Variants in MARCHF1 observed in about 807,000 individuals in gnomAD.
The protein encoded by MARCHF1 is E3 ubiquitin-protein ligase MARCHF1.
MARCHF1 carries 40 observed loss-of-function variants against 54.2 expected under a neutral mutation model. The observed-to-expected ratio is 0.74, with a 90% CI of 0.57 to 0.96. The LOEUF is 0.96. Among genes scored for constraint, MARCHF1 ranks in the 40% least tolerant of loss-of-function variants. The pLI, the probability that MARCHF1 is intolerant of heterozygous loss-of-function variation, is 0.00. For synonymous variants in MARCHF1, 236 were observed against 236.3 expected (o/e 1.00, Z 0.01); for missense variants, 586 against 656.5 (o/e 0.89, Z 1.17).
chr4:163,862,871 T>C (rs12513151), intron 3 of MARCHF1, among the ~76,000 whole-genome samples: 107,005 of 151,852 alleles, frequency 0.7, 39,251 homozygotes, highest in Middle Eastern at 0.83. Flanking sequence ...TACATCATAT[T>C]ATTCAGTAAT....
rs1450481839 is a variant in MARCHF1, at chr4:163,858,709, G to A, written c.-38-4540C>T. Among the ~76,000 whole-genome samples the A allele has an allele frequency of 2.6e-5, 4 of 152,148 alleles. No individual in the cohort carries two copies. In the South Asian group the frequency reaches 6.2e-4, roughly 24 times the overall value. On this transcript the variant is annotated intron_variant, in intron 3 of 9. Coordinates refer to ENST00000514618, the MANE Select transcript of MARCHF1 (RefSeq NM_001394959.1). Reference sequence around the variant, plus strand: ...GTGTGAGCCTGTGTGTGTTCTAAGAGTTACTCACTATATATTGAGAAAACT... The same window carrying A: ...GTGTGAGCCTGTGTGTGTTCTAAGAATTACTCACTATATATTGAGAAAACT...
chr4:163,576,092 G>C (rs1282772117), intron 8 of MARCHF1, among the ~76,000 whole-genome samples: 1 of 151,750 alleles, frequency 6.6e-6, no homozygotes, highest in Admixed American at 6.6e-5. Flanking sequence ...TTTAAGGTTA[G>C]TTTGTTCTTG....
rs190615051 is a variant in MARCHF1 at position 163,965,857 on chromosome 4, A to T, written c.-39+22644T>A. On this transcript the variant is annotated intron_variant, in intron 3 of 9. Coordinates refer to ENST00000514618, the MANE Select transcript of MARCHF1 (RefSeq NM_001394959.1). ...ACAGATCGTGATAGGTTCAATCAGT[A>T]TGTCCTATACTTGATACCTAAGAAT... 1.5e-4 allele frequency among the ~76,000 whole-genome samples: 23 copies of T among 152,238 alleles called. 1 individual carries two copies. In the East Asian group the frequency reaches 3.5e-3, roughly 23 times the overall value.
intron 1 of MARCHF1, among the ~76,000 whole-genome samples, chr4:164,143,688 G>T (rs530494294): frequency 2.0e-5 from 3 of 152,252 alleles, no homozygotes; most frequent in African/African-American, 7.2e-5. Context: ...AACATGGAAA[G>T]GAACAACCGA....
In MARCHF1 at chr4:163,891,577, A is replaced by C. The variant is rs554487193; in HGVS notation, c.-38-37408T>G. The stretch of plus-strand genomic sequence containing the variant: ...AACCACCAAAAAAAGCTAAAAAAAA[A>C]CCTGTCACCATTGCACATAGAAAAA... On this transcript the variant is annotated intron_variant, in intron 3 of 9. Coordinates refer to ENST00000514618, the MANE Select transcript of MARCHF1 (RefSeq NM_001394959.1). Among the ~76,000 whole-genome samples the C allele has an allele frequency of 2.4e-3, 371 of 152,198 alleles. 1 individual carries two copies. Among genetic ancestry groups the C allele is most frequent in the African/African-American group, 8.4e-3 (350 of 41,520 alleles).
chr4:163,632,188 T>C (rs1742111837), intron 5 of MARCHF1, among the ~76,000 whole-genome samples: 1 of 152,170 alleles, frequency 6.6e-6, no homozygotes, highest in Non-Finnish European at 1.5e-5. Flanking sequence ...TACTCTATGA[T>C]ATGGTTTGAA....
intron 4 of MARCHF1, among the ~76,000 whole-genome samples, chr4:163,769,981 A>G (rs1261729668): frequency 6.6e-6 from 1 of 152,180 alleles, no homozygotes; most frequent in Non-Finnish European, 1.5e-5. Flanking sequence ...CATCATGAAG[A>G]CAATGAGAAT....
intron 5 of MARCHF1, among the ~76,000 whole-genome samples, chr4:163,639,408 CGAGA>C (rs900925199): frequency 3.9e-5 from 6 of 151,980 alleles, no homozygotes; most frequent in Non-Finnish European, 8.8e-5. Flanking sequence ...GGTGATTCTT[CGAGA>C]GAAACAGTGG....
At chr4:164,340,926 A>T (rs908611744) in intron 1 of MARCHF1, among the ~76,000 whole-genome samples, 27 of 151,970 alleles carry the variant, frequency 1.8e-4, no homozygotes, top group African/African-American at 5.8e-4. Context: ...CAAAAAAAAA[A>T]AAAAAAAAGT....
At chr4:164,294,848 C>T (rs527509235) in intron 1 of MARCHF1, among the ~76,000 whole-genome samples, 5 of 152,094 alleles carry the variant, frequency 3.3e-5, no homozygotes, top group African/African-American at 4.8e-5. Flanking sequence ...ATAGGTGTCA[C>T]TTCTTAAATA....
chr4:163,861,740 G>C (rs142168600), intron 3 of MARCHF1, among the ~76,000 whole-genome samples: 1 of 151,946 alleles, frequency 6.6e-6, no homozygotes, highest in African/African-American at 2.4e-5. Context: ...TAAAGTTTAC[G>C]TAGAAAGGCA....
At chr4:163,935,702 CTTTTT>C (rs34331599) in intron 3 of MARCHF1, among the ~76,000 whole-genome samples, 1,362 of 125,732 alleles carry the variant, frequency 0.011, 2 homozygotes, top group Non-Finnish European at 0.015. Flanking sequence ...TGCTTGCTTT[CTTTTT>C]TTTTTTTTTT....
chr4:164,016,633 A>G (rs1207849297), intron 2 of MARCHF1, among the ~76,000 whole-genome samples: 1 of 152,160 alleles, frequency 6.6e-6, no homozygotes, highest in African/African-American at 2.4e-5. Flanking sequence ...TAAGGAGTAC[A>G]ATGATGGTAA....
At chr4:163,556,939 T>A (rs1001625038) in intron 8 of MARCHF1, among the ~76,000 whole-genome samples, 17 of 152,240 alleles carry the variant, frequency 1.1e-4, no homozygotes, top group African/African-American at 3.6e-4. Flanking sequence ...TTTCTTAAAT[T>A]GTATACAAAA....
intron 3 of MARCHF1, among the ~76,000 whole-genome samples, chr4:163,923,717 A>C (rs1336177963): frequency 4.0e-5 from 6 of 151,790 alleles, no homozygotes; most frequent in Non-Finnish European, 7.4e-5. Flanking sequence ...TAATATATAC[A>C]TTTATGCTAC....
intron 9 of MARCHF1, chr4:163,530,202 A>G (rs896993736): frequency 6.6e-6 from 1 of 151,972 alleles, no homozygotes; most frequent in Non-Finnish European, 1.5e-5. Context: ...AGATTAACCA[A>G]AAATAACAGC....
At chr4:164,325,249 T>C (rs1369991554) in intron 1 of MARCHF1, among the ~76,000 whole-genome samples, 1 of 148,508 alleles carries the variant, frequency 6.7e-6, no homozygotes, top group African/African-American at 2.5e-5. Context: ...CTAAAGAGAG[T>C]TGCTAGCAAA....
Position 163,816,622 on chromosome 4 carries a change from T to C in MARCHF1, c.111+37399A>G, listed in dbSNP as rs575068477. ...GCATCAGGCTGTATTCTAAGAGGCA[T>C]ATATTTATTTGATTCTGACCACAGC... On this transcript the variant is annotated intron_variant, in intron 4 of 9. Transcript: ENST00000514618. Among the ~76,000 whole-genome samples, 40 of 152,260 alleles carry C rather than the reference T, an allele frequency of 2.6e-4. No individual in the cohort carries two copies. The South Asian group carries it at 7.0e-3, about 27-fold the overall frequency.
At chr4:164,072,466 C>G (rs568527578) in intron 2 of MARCHF1, among the ~76,000 whole-genome samples, 2 of 151,898 alleles carry the variant, frequency 1.3e-5, no homozygotes, top group African/African-American at 2.4e-5. Context: ...GAGGCTGAGG[C>G]GGGAGGATCA....
Sources: allele counts gnomAD v4.1 joint callset (sites outside exome capture counted in the v4.1 genomes callset), GRCh38; gene constraint gnomAD v4.1.1; transcripts MANE v1.5; gene names NCBI Gene and HGNC (gene_info 2026-07-23, HGNC 2026-07-21).